L3MBTL4: variants seen among roughly 807,000 people sequenced by gnomAD.
The protein encoded by L3MBTL4 is lethal(3)malignant brain tumor-like protein 4.
Under a neutral mutation model 84.5 loss-of-function variants are expected in L3MBTL4, and 70 were observed. The ratio of observed to expected loss-of-function variants is 0.83; its 90% CI spans 0.68 to 1.01. The LOEUF (loss-of-function observed/expected upper bound fraction) is 1.01. L3MBTL4 is among the 50% of genes least tolerant of loss of function. The pLI, the probability that L3MBTL4 is intolerant of heterozygous loss-of-function variation, is 0.00. For synonymous variants in L3MBTL4, 274 were observed against 259.8 expected, an observed-to-expected ratio of 1.05 and a Z score of -0.52; for missense variants, 715 against 754.8, an observed-to-expected ratio of 0.95 and a Z score of 0.62.
chr18:6,241,433 TTTATC>T lies in L3MBTL4; in HGVS notation c.472_476del (p.Asp158IlefsTer26), dbSNP rs1174176676. The T allele has an allele frequency of 6.3e-7, 1 of 1,590,014 alleles. No individual in the cohort carries two copies. The highest frequency in any genetic ancestry group is 2.2e-5 in the East Asian group (1 of 44,588). On this transcript the variant is annotated frameshift_variant, in exon 8 of 19. Coordinates refer to ENST00000317931, the MANE Select transcript of L3MBTL4 (RefSeq NM_001330559.2). LOFTEE classifies it high-confidence loss of function. ...CCTTCAAGTAATCCATCCAAACAAATTTATCTTTTCTATAACCTAAAAAAAGCACA... is the reference window on the plus strand; with the variant it reads ...CCTTCAAGTAATCCATCCAAACAAATTTTTCTATAACCTAAAAAAAGCACA...
chr18:6,261,553 T>C (rs1018887795), intron 5 of L3MBTL4, among the ~76,000 whole-genome samples: 1 of 152,194 alleles, frequency 6.6e-6, no homozygotes, highest in Non-Finnish European at 1.5e-5. Context: ...TCCCACTTAC[T>C]GCCTTCCAGC....
intron 16 of L3MBTL4, among the ~76,000 whole-genome samples, chr18:6,035,524 C>T (rs993400638): frequency 3.3e-5 from 5 of 151,958 alleles, no homozygotes; most frequent in East Asian, 1.9e-4. Flanking sequence ...GTTTTGGTAC[C>T]AGTACCATGC....
chr18:6,166,235 C>A (rs994548844), intron 13 of L3MBTL4, among the ~76,000 whole-genome samples: 2 of 152,166 alleles, frequency 1.3e-5, no homozygotes, highest in African/African-American at 2.4e-5. Flanking sequence ...TAATGGGAGA[C>A]TTTAACACCC....
chr18:5,987,675 G>A (rs1256076332), intron 16 of L3MBTL4, among the ~76,000 whole-genome samples: 17 of 152,140 alleles, frequency 1.1e-4, no homozygotes, highest in Non-Finnish European at 4.4e-5. Context: ...TTTAGTAAAA[G>A]TTCATAAAAC....
intron 16 of L3MBTL4, among the ~76,000 whole-genome samples, chr18:6,074,752 C>A (rs1215992114): frequency 6.6e-6 from 1 of 151,988 alleles, no homozygotes; most frequent in Non-Finnish European, 1.5e-5. Flanking sequence ...GATCTGGGTG[C>A]TGGTACATAG....
chr18:6,131,213 T>C (rs905572595), intron 14 of L3MBTL4, among the ~76,000 whole-genome samples: 1 of 152,168 alleles, frequency 6.6e-6, no homozygotes, highest in Non-Finnish European at 1.5e-5. Flanking sequence ...AAAACAACAT[T>C]CTGCTTGCAA....
chr18:6,110,436 T>G (rs141794305), intron 14 of L3MBTL4, among the ~76,000 whole-genome samples: 69 of 151,946 alleles, frequency 4.5e-4, no homozygotes, highest in African/African-American at 1.6e-3. Context: ...TGTATCCACA[T>G]GTATACATGT....
At position 6,239,878 on chromosome 18, in the gene L3MBTL4, G is replaced by A. The variant is rs372169181; in HGVS notation, c.553-6C>T. The A allele has an allele frequency of 1.1e-5, 18 of 1,613,920 alleles. No homozygotes were observed. The South Asian group carries it at 1.3e-4, about 12-fold the overall frequency. On this transcript the variant is annotated splice_polypyrimidine_tract_variant and splice_region_variant and intron_variant, in intron 8 of 18. Transcript: ENST00000317931. ...TCTTTAGACATTGGCCCATTCTAAC[G>A]CAGCACCAGCAGGGGAAGAAGCACA... is the stretch of plus-strand genomic sequence containing the variant.
chr18:6,030,004 G>A lies in L3MBTL4; in HGVS notation c.1444+50877C>T, dbSNP rs369598787. The A allele has an allele frequency of 1.5e-4, 148 of 985,380 alleles. No homozygotes were observed. In the African/African-American group the frequency reaches 2.4e-3, roughly 16 times the overall value. 61.0% of individuals were successfully genotyped at this position (985,380 alleles called of 1,614,324 possible). A position where few individuals can be genotyped will look rare whatever the true frequency, so the allele number is the denominator to read the frequency against. On this transcript the variant is annotated intron_variant, in intron 16 of 18. Transcript: ENST00000317931. ...ACAGCAACATGAAAACCATCCAGAT[G>A]GCCATGGGCAGGGACTGGTCACTTA... is the stretch of plus-strand genomic sequence containing the variant.
chr18:6,189,300 A>G (rs1310015064), intron 12 of L3MBTL4, among the ~76,000 whole-genome samples: 1 of 152,206 alleles, frequency 6.6e-6, no homozygotes, highest in Admixed American at 6.5e-5. Flanking sequence ...TAACTTAATT[A>G]AATCTTCAAA....
chr18:6,171,675 T>C (rs17408183), intron 13 of L3MBTL4, among the ~76,000 whole-genome samples, 153 bp downstream of exon 13: 5,124 of 152,382 alleles, frequency 0.034, 116 homozygotes, highest in Middle Eastern at 0.12. Context: ...TGAGGCTTAA[T>C]TGTAAATAAT....
intron 1 of L3MBTL4, among the ~76,000 whole-genome samples, chr18:6,391,516 C>T (rs1244720092): frequency 6.6e-6 from 1 of 151,834 alleles, no homozygotes; most frequent in African/African-American, 2.4e-5. Context: ...TAAAGGGGAT[C>T]CAGATTGGAA....
intron 1 of L3MBTL4, among the ~76,000 whole-genome samples, chr18:6,328,183 G>A (rs1336265374): frequency 6.6e-6 from 1 of 152,170 alleles, no homozygotes; most frequent in Non-Finnish European, 1.5e-5. Context: ...GTATATTGCT[G>A]CTGCCCCTGG....
intron 16 of L3MBTL4, among the ~76,000 whole-genome samples, chr18:6,059,925 A>G (rs2057150333): frequency 6.6e-6 from 1 of 152,206 alleles, no homozygotes; most frequent in African/African-American, 2.4e-5. Context: ...AAAGCTATCC[A>G]TTGTAATGAG....
At chr18:6,302,421 G>A (rs530348632) in intron 3 of L3MBTL4, among the ~76,000 whole-genome samples, 59 of 152,246 alleles carry the variant, frequency 3.9e-4, no homozygotes, top group African/African-American at 1.2e-3. Context: ...ATGGACAAGC[G>A]ACTTCAAAAA....
At chr18:6,386,813 C>A (rs1295672934) in intron 1 of L3MBTL4, among the ~76,000 whole-genome samples, 1 of 152,156 alleles carries the variant, frequency 6.6e-6, no homozygotes, top group African/African-American at 2.4e-5. Flanking sequence ...AGACTGCAGG[C>A]AACCCTGCAG....
intron 14 of L3MBTL4, among the ~76,000 whole-genome samples, chr18:6,100,772 G>T (rs1205218249): frequency 3.9e-5 from 6 of 152,310 alleles, no homozygotes; most frequent in South Asian, 2.1e-4. Flanking sequence ...GGTGGGGAGT[G>T]GGGGAGCAGT....
chr18:6,173,711 T>C (rs1468630269), intron 12 of L3MBTL4, among the ~76,000 whole-genome samples: 1 of 151,956 alleles, frequency 6.6e-6, no homozygotes, highest in Non-Finnish European at 1.5e-5. Context: ...CCTGGGGAGG[T>C]TGAGGCTGCA....
intron 1 of L3MBTL4, among the ~76,000 whole-genome samples, chr18:6,333,048 T>C (rs1215407315): frequency 2.0e-5 from 3 of 152,040 alleles, no homozygotes; most frequent in Non-Finnish European, 4.4e-5. Context: ...TTCTTCCAAC[T>C]ACCTTAAAAG....
Sources: allele counts gnomAD v4.1 joint callset (sites outside exome capture counted in the v4.1 genomes callset), GRCh38; gene constraint gnomAD v4.1.1; transcripts MANE v1.5; gene names NCBI Gene and HGNC (gene_info 2026-07-23, HGNC 2026-07-21).